Variants in AKAP6 observed in about 807,000 individuals in gnomAD.
AKAP6 encodes A-kinase anchor protein 6.
AKAP6 carries 58 observed loss-of-function variants against 188.5 expected under a neutral mutation model. That is an observed-to-expected ratio of 0.31 (90% confidence interval 0.25 to 0.38). AKAP6 has a LOEUF of 0.38. Among genes scored for constraint, AKAP6 ranks in the 10% least tolerant of loss-of-function variants. The pLI, the probability that AKAP6 is intolerant of heterozygous loss-of-function variation, is 1.00. For synonymous variants in AKAP6, 989 were observed against 998.6 expected (o/e 0.99, Z 0.18); for missense variants, 2,710 against 2,740.0 (o/e 0.99, Z 0.24).
chr14:32,710,846 C>T (rs1266112924), intron 9 of AKAP6, among the ~76,000 whole-genome samples: 1 of 152,032 alleles, frequency 6.6e-6, no homozygotes, highest in African/African-American at 2.4e-5. Context: ...GGGCTGACAA[C>T]TATGACCTGC....
chr14:32,486,243 G>GTAGTATAGTTTGAAGTCAGA (rs1555332897), intron 2 of AKAP6, among the ~76,000 whole-genome samples: 4 of 152,284 alleles, frequency 2.6e-5, no homozygotes, highest in African/African-American at 9.6e-5. Flanking sequence ...TTGAAGTCAG[G>GTAGTATAGTTTGAAGTCAGA]TAGTATGATG....
intron 2 of AKAP6, among the ~76,000 whole-genome samples, chr14:32,522,234 C>T (rs1176088732): frequency 2.0e-5 from 3 of 151,994 alleles, no homozygotes; most frequent in Non-Finnish European, 4.4e-5. Context: ...CCATAAAAAC[C>T]CTAGAAGAAA....
chr14:32,458,276 A>G (rs1891211260), intron 2 of AKAP6, among the ~76,000 whole-genome samples: 1 of 152,174 alleles, frequency 6.6e-6, no homozygotes, highest in Admixed American at 6.5e-5. Context: ...CTATGAGCTG[A>G]GAGTTGTAAT....
At chr14:32,506,710 T>C (rs943553768) in intron 2 of AKAP6, among the ~76,000 whole-genome samples, 5 of 152,112 alleles carry the variant, frequency 3.3e-5, no homozygotes, top group African/African-American at 1.2e-4. Context: ...TTTTTATATT[T>C]TTACCAGAGA....
In AKAP6 at chr14:32,823,522, A is replaced by C. The variant is rs2034588866; in HGVS notation, c.5709A>C (p.Pro1903=). 6.2e-7 allele frequency: 1 copy of C among 1,613,894 alleles called. No individual in the cohort carries two copies. Residue 1903 remains proline (P), a synonymous_variant, in exon 13 of 14, where the codon CCA becomes CCC. Transcript: ENST00000280979. ...DMENGNIEGI[P]ERQKGKPNVT... is the part of the protein sequence containing the mutation. ...AAAATGGCAATATTGAAGGTATTCC[A>C]GAAAGGCAAAAGGGAAAACCGAATG...
chr14:32,549,681 T>C (rs1170559549), intron 4 of AKAP6, among the ~76,000 whole-genome samples: 2 of 152,228 alleles, frequency 1.3e-5, no homozygotes, highest in African/African-American at 2.4e-5. Context: ...CTAAGTATTT[T>C]ACGTGGCTTA....
At chr14:32,337,551 A>T (rs1035046862) in intron 1 of AKAP6, among the ~76,000 whole-genome samples, 2 of 152,152 alleles carry the variant, frequency 1.3e-5, no homozygotes, top group African/African-American at 2.4e-5. Flanking sequence ...AATAATTGAT[A>T]ACAGGATTTT....
intron 12 of AKAP6, among the ~76,000 whole-genome samples, chr14:32,794,843 G>T (rs544941911): frequency 1.3e-5 from 2 of 152,074 alleles, no homozygotes; most frequent in South Asian, 4.1e-4. Flanking sequence ...CAAAAAATCA[G>T]TGAATCCAAG....
chr14:32,492,355 T>TATATATATATATAGAGAGAG, intron 2 of AKAP6, among the ~76,000 whole-genome samples: 1,613 of 82,448 alleles, frequency 0.02, 48 homozygotes, highest in South Asian at 0.042. Context: ...TATATATATA[T>TATATATATATATAGAGAGAG]AGAGAGAGAG....
chr14:32,354,153 C>A (rs1887396475), intron 1 of AKAP6, among the ~76,000 whole-genome samples: 1 of 152,052 alleles, frequency 6.6e-6, no homozygotes. Flanking sequence ...ATTGCCAAGT[C>A]AATCCTAAGC....
Position 32,832,072 on chromosome 14 carries a change from T to C in AKAP6, c.*2267T>C, listed in dbSNP as rs1025379581. The C allele has an allele frequency of 6.6e-6, 1 of 152,084 alleles. No homozygotes were observed. Among genetic ancestry groups the C allele is most frequent in the Non-Finnish European group, 1.5e-5 (1 of 68,014 alleles). The allele number at this position is 152,084 out of a possible 1,614,324, so 9.4% of individuals were successfully genotyped here. ...GGATAAATTATTCTAGGCTTCTTAA[T>C]AGGTAGTAATTTGTTCAAAAGCGGT... is the stretch of plus-strand genomic sequence containing the variant. On this transcript the variant is annotated 3_prime_UTR_variant, in exon 14 of 14. Transcript: ENST00000280979.
At chr14:32,814,946 A>T (rs1234982414) in intron 12 of AKAP6, among the ~76,000 whole-genome samples, 2 of 152,156 alleles carry the variant, frequency 1.3e-5, no homozygotes, top group East Asian at 3.9e-4. Flanking sequence ...TATTTTAAGT[A>T]CTGGGGCTCT....
chr14:32,627,446 C>T (rs149799774), intron 7 of AKAP6, among the ~76,000 whole-genome samples: 1 of 152,138 alleles, frequency 6.6e-6, no homozygotes, highest in East Asian at 1.9e-4. Flanking sequence ...TTATTTGCTA[C>T]CAACTCAGCC....
chr14:32,510,483 T>TATGTGTATATATATATATAC, intron 2 of AKAP6, among the ~76,000 whole-genome samples: 1 of 113,722 alleles, frequency 8.8e-6, no homozygotes. Context: ...TATACATATA[T>TATGTGTATATATATATATAC]ATATGTGTAT....
At chr14:32,377,165 C>T (rs1472548259) in intron 1 of AKAP6, among the ~76,000 whole-genome samples, 5 of 152,168 alleles carry the variant, frequency 3.3e-5, no homozygotes, top group Non-Finnish European at 7.3e-5. Flanking sequence ...AATTTAAAGT[C>T]GGACTTGGAT....
intron 5 of AKAP6, among the ~76,000 whole-genome samples, chr14:32,581,768 T>C (rs1467245381): frequency 6.6e-6 from 1 of 152,208 alleles, no homozygotes. Context: ...TTGTCTCTTT[T>C]GATCTTTGTT....
chr14:32,538,396 A>C (rs1285716739), intron 3 of AKAP6, among the ~76,000 whole-genome samples: 2 of 152,200 alleles, frequency 1.3e-5, no homozygotes, highest in African/African-American at 4.8e-5. Context: ...CAGTAAAGGA[A>C]GATTCATTTT....
At chr14:32,538,876 AAAG>A (rs1566562597) in intron 3 of AKAP6, among the ~76,000 whole-genome samples, 1 of 152,198 alleles carries the variant, frequency 6.6e-6, no homozygotes. Context: ...AAATTTTAAA[AAAG>A]AAGAATTTAA....
At chr14:32,815,520 T>C (rs940616780) in intron 12 of AKAP6, among the ~76,000 whole-genome samples, 1 of 152,234 alleles carries the variant, frequency 6.6e-6, no homozygotes, top group Non-Finnish European at 1.5e-5. Context: ...TTTTCTCATT[T>C]GGTTATCTTT....
Sources: gnomAD v4.1 joint callset for allele counts (sites outside exome capture counted in the v4.1 genomes callset) on GRCh38, gnomAD v4.1.1 for gene constraint, MANE v1.5 for transcripts, NCBI Gene and HGNC (gene_info 2026-07-23, HGNC 2026-07-21) for gene names.